MYO16: variants seen among roughly 807,000 people sequenced by gnomAD.
MYO16 encodes myosin XVI, also known as unconventional myosin-XVI.
MYO16 carries 94 observed loss-of-function variants against 205.3 expected under a neutral mutation model. That is an observed-to-expected ratio of 0.46 (90% CI 0.39 to 0.54). The LOEUF is 0.54. MYO16 is among the 20% of genes least tolerant of loss of function. The probability of loss-of-function intolerance (pLI) is 0.00; values close to 1 mark genes in which losing one functional copy is unlikely to be tolerated. For synonymous variants in MYO16, 988 were observed against 954.0 expected (o/e 1.04, Z -0.66); for missense variants, 2,315 against 2,387.5 (o/e 0.97, Z 0.63).
At chr13:108,541,326 TATTA>T in the MYO16 span, among the ~76,000 whole-genome samples, 2 of 151,446 alleles carry the variant, frequency 1.3e-5, no homozygotes, top group Non-Finnish European at 2.9e-5. Context: ...TAGATACATG[TATTA>T]ATTCATAGAT....
At chr13:108,676,602 C>T (rs942323115) in intron 2 of MYO16, among the ~76,000 whole-genome samples, 4 of 152,060 alleles carry the variant, frequency 2.6e-5, no homozygotes, top group African/African-American at 7.2e-5. Flanking sequence ...CAAGGACTTG[C>T]GTCCATTGAA....
At chr13:108,551,017 T>C in the MYO16 span, among the ~76,000 whole-genome samples, 2 of 152,180 alleles carry the variant, frequency 1.3e-5, no homozygotes, top group African/African-American at 4.8e-5. Context: ...TCTTCCTTTG[T>C]TTTTATGATA....
Position 108,981,538 on chromosome 13 carries a change from T to C in MYO16, c.2370-10838T>C, listed in dbSNP as rs1884447736. Among the ~76,000 whole-genome samples, 2 of 152,270 alleles carry C rather than the reference T, an allele frequency of 1.3e-5. 1 individual carries two copies. The highest frequency in any genetic ancestry group is 4.1e-4 in the South Asian group (2 of 4,834). On this transcript the variant is annotated intron_variant, in intron 20 of 34. Coordinates refer to ENST00000457511, the MANE Select transcript of MYO16 (RefSeq NM_001198950.3). ...GGTGTGCCAATTCCGAAGCCTTGCCTGATTCTGCTTCCTCTGACCCCTGTC... is the reference window on the plus strand; with the variant it reads ...GGTGTGCCAATTCCGAAGCCTTGCCCGATTCTGCTTCCTCTGACCCCTGTC...
chr13:108,825,140 C>T (rs1026308728), intron 9 of MYO16, among the ~76,000 whole-genome samples: 2 of 151,972 alleles, frequency 1.3e-5, no homozygotes, highest in African/African-American at 4.8e-5. Context: ...AGCTTTAAGA[C>T]ACCTAAATAA....
At chr13:109,016,192 C>T (rs1280235528) in intron 22 of MYO16, among the ~76,000 whole-genome samples, 2 of 152,150 alleles carry the variant, frequency 1.3e-5, no homozygotes, top group Admixed American at 1.3e-4. Context: ...CAAAGAACAT[C>T]TTTATTTCTC....
intron 4 of MYO16, among the ~76,000 whole-genome samples, chr13:108,755,269 C>T (rs1337321486): frequency 1.3e-5 from 2 of 151,306 alleles, no homozygotes; most frequent in African/African-American, 2.4e-5. Context: ...AATGAGTTTA[C>T]AAGCTGAGCC....
chr13:108,506,824 C>A, the MYO16 span, among the ~76,000 whole-genome samples: 1 of 152,016 alleles, frequency 6.6e-6, no homozygotes, highest in Admixed American at 6.5e-5. Flanking sequence ...TTAGCTGAAG[C>A]CTTTTCATAT....
the MYO16 span, among the ~76,000 whole-genome samples, chr13:108,509,626 T>G: frequency 5.9e-5 from 9 of 152,230 alleles, no homozygotes; most frequent in Admixed American, 5.2e-4. Flanking sequence ...TCTTGCTTGC[T>G]CTGATGACTT....
At chr13:108,813,529 C>A (rs893976126) in intron 7 of MYO16, among the ~76,000 whole-genome samples, 1 of 152,108 alleles carries the variant, frequency 6.6e-6, no homozygotes, top group Admixed American at 6.6e-5. Flanking sequence ...TAAAGAGATA[C>A]TTTCACTCTC....
At chr13:108,714,839 T>C (rs985331735) in intron 3 of MYO16, among the ~76,000 whole-genome samples, 16 of 152,134 alleles carry the variant, frequency 1.1e-4, no homozygotes, top group African/African-American at 3.9e-4. Context: ...CAGCAGTTGC[T>C]TTCTTGATCT....
At chr13:109,205,600 C>A (rs1373144035) in intron 34 of MYO16, among the ~76,000 whole-genome samples, 1 of 151,622 alleles carries the variant, frequency 6.6e-6, no homozygotes, top group Non-Finnish European at 1.5e-5. Flanking sequence ...TTTTTTAAAC[C>A]AGTATACTTC....
intron 4 of MYO16, among the ~76,000 whole-genome samples, chr13:108,771,021 T>C (rs1020674014): frequency 1.3e-5 from 2 of 152,202 alleles, no homozygotes; most frequent in African/African-American, 4.8e-5. Flanking sequence ...CCCTGTGTTA[T>C]TAACATAAAA....
chr13:108,907,972 T>G (rs1048170876), intron 15 of MYO16, among the ~76,000 whole-genome samples: 1 of 152,230 alleles, frequency 6.6e-6, no homozygotes, highest in African/African-American at 2.4e-5. Flanking sequence ...TCTTTAGGTT[T>G]TTAAAAAATA....
intron 27 of MYO16, among the ~76,000 whole-genome samples, chr13:109,075,677 A>G (rs1343757928): frequency 2.0e-5 from 3 of 152,108 alleles, no homozygotes; most frequent in Non-Finnish European, 4.4e-5. Flanking sequence ...CCTGGCCTGA[A>G]AATCTTTTTA....
intron 20 of MYO16, among the ~76,000 whole-genome samples, chr13:108,984,097 ACTTT>A (rs1884545529): frequency 6.6e-6 from 1 of 152,088 alleles, no homozygotes; most frequent in African/African-American, 2.4e-5. Flanking sequence ...CTATCACAAA[ACTTT>A]CTTTCTGCAA....
At chr13:108,620,898 C>T (rs1172770752) in intron 1 of MYO16, among the ~76,000 whole-genome samples, 2 of 152,196 alleles carry the variant, frequency 1.3e-5, no homozygotes, top group African/African-American at 2.4e-5. Context: ...CTCTATATGA[C>T]TCATGAGAAG....
At position 108,992,456 on chromosome 13, in the gene MYO16, G is replaced by A. The variant is rs1884867859; in HGVS notation, c.2442+8G>A. 6.5e-7 allele frequency: 1 copy of A among 1,530,742 alleles called. No homozygotes were observed. The highest frequency in any genetic ancestry group is 1.4e-5 in the African/African-American group (1 of 72,776). 94.8% of individuals were successfully genotyped at this position (1,530,742 alleles called of 1,614,324 possible). ...AAGAATGAATTTGAACAAGTAAGTAGTCTTTCTTTTAAAATTGTGTGAACT... is the reference window on the plus strand; with the variant it reads ...AAGAATGAATTTGAACAAGTAAGTAATCTTTCTTTTAAAATTGTGTGAACT... On this transcript the variant is annotated splice_region_variant and intron_variant, in intron 21 of 34. Transcript: ENST00000457511.
chr13:108,736,800 G>A (rs892961312), intron 4 of MYO16, among the ~76,000 whole-genome samples: 5 of 152,234 alleles, frequency 3.3e-5, no homozygotes, highest in African/African-American at 1.2e-4. Context: ...CCATTTGTTT[G>A]TGTCCTCTTA....
intron 27 of MYO16, among the ~76,000 whole-genome samples, chr13:109,076,158 G>C (rs1300673151): frequency 2.6e-5 from 4 of 152,100 alleles, no homozygotes; most frequent in African/African-American, 9.7e-5. Context: ...AGTCTTGGTA[G>C]AGTTGTATTA....
Sources: gnomAD v4.1 joint callset for allele counts (sites outside exome capture counted in the v4.1 genomes callset) on GRCh38, gnomAD v4.1.1 for gene constraint, MANE v1.5 for transcripts, NCBI Gene and HGNC (gene_info 2026-07-23, HGNC 2026-07-21) for gene names.